ZPBP: variants seen among roughly 807,000 people sequenced by gnomAD.
ZPBP encodes zona pellucida-binding protein 1.
Under a neutral mutation model 44.8 loss-of-function variants are expected in ZPBP, and 26 were observed. The observed-to-expected ratio is 0.58, with a 90% CI of 0.43 to 0.81. The LOEUF (loss-of-function observed/expected upper bound fraction) is 0.81. Among genes scored for constraint, ZPBP ranks in the 30% least tolerant of loss-of-function variants. The pLI, the probability that ZPBP is intolerant of heterozygous loss-of-function variation, is 0.00. For synonymous variants in ZPBP, 174 were observed against 153.2 expected, an observed-to-expected ratio of 1.14 and a Z score of -1.00; for missense variants, 409 against 434.0, an observed-to-expected ratio of 0.94 and a Z score of 0.51.
chr7:49,888,618 A>G (rs1477625095), intron 2 of ZPBP, among the ~76,000 whole-genome samples: 2 of 152,096 alleles, frequency 1.3e-5, no homozygotes, highest in Admixed American at 1.3e-4. Flanking sequence ...GTGTTTATGA[A>G]GTGCACCTTT....
intron 2 of ZPBP, among the ~76,000 whole-genome samples, chr7:49,864,549 T>C (rs934209220): frequency 2.6e-5 from 4 of 152,200 alleles, no homozygotes; most frequent in Admixed American, 2.6e-4. Flanking sequence ...TCTGCATGTC[T>C]CAACAGTTGT....
rs1554361173 is a variant in ZPBP at position 49,981,695 on chromosome 7, A to ATTATAT, written c.961+1646_961+1647insATATAA. ...ATATATTATATATAATAATATATATAATTATATATAATATATTATATATAA... is the reference window on the plus strand; with the variant it reads ...ATATATTATATATAATAATATATATATTATATATTATATATAATATATTATATATAA... On this transcript the variant is annotated intron_variant, in intron 7 of 7. Transcript: ENST00000046087. 1.6e-3 allele frequency among the ~76,000 whole-genome samples: 66 copies of ATTATAT among 42,348 alleles called. 12 individuals are homozygous for ATTATAT. The highest frequency in any genetic ancestry group is 9.3e-3 in the Admixed American group (24 of 2,576). The allele number at this position is 42,348 out of a possible 152,430, so 27.8% of individuals were successfully genotyped here. A position where few individuals can be genotyped will look rare whatever the true frequency, so the allele number is the denominator to read the frequency against.
chr7:49,975,158 C>T (rs1175233780), intron 7 of ZPBP, among the ~76,000 whole-genome samples: 1 of 152,138 alleles, frequency 6.6e-6, no homozygotes, highest in Non-Finnish European at 1.5e-5. Flanking sequence ...TCATACTCAT[C>T]TGTCAGTTCT....
rs886512551 is a variant in ZPBP, at chr7:49,952,581, C to T, written c.962-14959G>A. ...AGGAAACAAATGTAAAAGCCCATCA[C>T]ATTACAGGCAGGGTGGAGGGATCTA... On this transcript the variant is annotated intron_variant, in intron 7 of 7. Transcript: ENST00000046087. Among the ~76,000 whole-genome samples, 7 of 151,948 alleles carry T rather than the reference C, an allele frequency of 4.6e-5. No homozygotes were observed. In the East Asian group the frequency reaches 1.3e-3, roughly 29 times the overall value.
chr7:50,084,639 G>A (rs1045242498), intron 2 of ZPBP, among the ~76,000 whole-genome samples: 43 of 151,804 alleles, frequency 2.8e-4, no homozygotes, highest in Non-Finnish European at 5.4e-4. Flanking sequence ...CAAAACCAAT[G>A]AAATATCATA....
intron 7 of ZPBP, among the ~76,000 whole-genome samples, chr7:49,957,733 C>T (rs1257179888): frequency 6.6e-6 from 1 of 152,164 alleles, no homozygotes; most frequent in East Asian, 1.9e-4. Flanking sequence ...AGAGCCTCTA[C>T]TGTGGTAATG....
At chr7:49,880,123 T>C (rs1213758269) in intron 2 of ZPBP, among the ~76,000 whole-genome samples, 1 of 152,220 alleles carries the variant, frequency 6.6e-6, no homozygotes. Context: ...GTGTTTTTGT[T>C]TCATTTAAAA....
rs1794062948 is a variant in ZPBP, at chr7:49,922,424, C to T, written n.411+13327G>A. Among the ~76,000 whole-genome samples the T allele has an allele frequency of 2.0e-5, 3 of 152,136 alleles. No homozygotes were observed. The South Asian group carries it at 6.2e-4, about 31-fold the overall frequency. Reference sequence around the variant, plus strand: ...AAGTATTTTTTCTTAAGGCTACGAACTTCCCATTCCGGAACTGGAAGATTA... The same window carrying T: ...AAGTATTTTTTCTTAAGGCTACGAATTTCCCATTCCGGAACTGGAAGATTA... On this transcript the variant is annotated intron_variant and non_coding_transcript_variant, in intron 1 of 2. Transcript: ENST00000465922.
chr7:49,849,269 GGAGA>G (rs965324063), downstream of ZPBP, among the ~76,000 whole-genome samples: 1 of 152,154 alleles, frequency 6.6e-6, no homozygotes. Flanking sequence ...ATTTCCCCGA[GGAGA>G]GAGAGAGAAA....
intron 1 of ZPBP, 54 bp downstream of exon 1, chr7:50,093,014 T>G: frequency 1.9e-6 from 3 of 1,561,360 alleles, no homozygotes; most frequent in Non-Finnish European, 1.7e-6. Context: ...ATTCGAAGAG[T>G]GGGGGAAGCT....
chr7:49,933,429 T>C (rs995875927), downstream of ZPBP, among the ~76,000 whole-genome samples: 1 of 152,200 alleles, frequency 6.6e-6, no homozygotes, highest in African/African-American at 2.4e-5. Context: ...AACTAAGAAA[T>C]AGGAACAATT....
intron 5 of ZPBP, among the ~76,000 whole-genome samples, chr7:50,029,370 T>TA (rs1799488997): frequency 6.6e-6 from 1 of 152,136 alleles, no homozygotes; most frequent in South Asian, 2.1e-4. Flanking sequence ...GTGTAATAGC[T>TA]AAAACTACAG....
downstream of ZPBP, among the ~76,000 whole-genome samples, chr7:49,935,125 CTTAA>C (rs1465111883): frequency 2.0e-5 from 3 of 152,116 alleles, no homozygotes; most frequent in African/African-American, 7.2e-5. Context: ...CAACTTTTGT[CTTAA>C]TTACTCAAGT....
At chr7:49,995,748 T>C (rs941652042) in intron 6 of ZPBP, among the ~76,000 whole-genome samples, 3 of 152,208 alleles carry the variant, frequency 2.0e-5, no homozygotes, top group Non-Finnish European at 2.9e-5. Context: ...GAGACCATTA[T>C]GTTACGTGAA....
At chr7:49,959,566 C>T (rs1174570412) in intron 7 of ZPBP, among the ~76,000 whole-genome samples, 2 of 151,948 alleles carry the variant, frequency 1.3e-5, no homozygotes, top group African/African-American at 4.8e-5. Flanking sequence ...TGCTAGAAAT[C>T]TGAAATGAAA....
chr7:50,071,478 A>C (rs551935283), intron 3 of ZPBP, among the ~76,000 whole-genome samples: 1 of 152,296 alleles, frequency 6.6e-6, no homozygotes, highest in East Asian at 1.9e-4. Flanking sequence ...GTGCTGAACT[A>C]GGCCCAAAGA....
At chr7:49,954,282 CATTA>C (rs1795475880) in intron 7 of ZPBP, among the ~76,000 whole-genome samples, 1 of 152,096 alleles carries the variant, frequency 6.6e-6, no homozygotes, top group Admixed American at 6.5e-5. Context: ...ATATCAAATA[CATTA>C]ATTAACTCAA....
chr7:49,982,555 A>G (rs897714951), intron 7 of ZPBP, among the ~76,000 whole-genome samples: 1 of 150,972 alleles, frequency 6.6e-6, no homozygotes, highest in Non-Finnish European at 1.5e-5. Flanking sequence ...AAAGAAAACA[A>G]AGCAAAAGGA....
At chr7:49,980,126 AATTATATAT>A in intron 7 of ZPBP, among the ~76,000 whole-genome samples, 1 of 106,060 alleles carries the variant, frequency 9.4e-6, no homozygotes, top group African/African-American at 3.9e-5. Context: ...TTTATATTAT[AATTATATAT>A]TATATTTATA....
Sources: allele counts gnomAD v4.1 joint callset (sites outside exome capture counted in the v4.1 genomes callset), GRCh38; gene constraint gnomAD v4.1.1; transcripts MANE v1.5; gene names NCBI Gene and HGNC (gene_info 2026-07-23, HGNC 2026-07-21).